The following SCML4 variants were observed in gnomAD, a reference collection of about 807,000 sequenced individuals.
The protein encoded by SCML4 is sex comb on midleg-like protein 4.
SCML4 carries 34 observed loss-of-function variants against 41.1 expected under a neutral mutation model. The ratio of observed to expected loss-of-function variants is 0.83; its 90% CI spans 0.63 to 1.10. SCML4 has a LOEUF of 1.10. Ranked by LOEUF, SCML4 falls within the 50% of genes least tolerant of loss-of-function variation. The pLI, the probability that SCML4 is intolerant of heterozygous loss-of-function variation, is 0.00. For synonymous variants in SCML4, 214 were observed against 220.9 expected (o/e 0.97, Z 0.28); for missense variants, 522 against 534.1 (o/e 0.98, Z 0.22).
chr6:107,719,027 T>A (rs576029754), intron 6 of SCML4: 1 of 152,348 alleles, frequency 6.6e-6, no homozygotes, highest in South Asian at 2.1e-4. Flanking sequence ...GGGACAAACC[T>A]ATGAAATCAA....
chr6:107,844,784 G>A, the SCML4 span, among the ~76,000 whole-genome samples: 2 of 151,904 alleles, frequency 1.3e-5, no homozygotes, highest in African/African-American at 4.8e-5. Context: ...ATCCCTGGCT[G>A]GGCATGGTGG....
At chr6:107,757,985 G>A (rs1332588389) in intron 2 of SCML4, among the ~76,000 whole-genome samples, 1 of 152,124 alleles carries the variant, frequency 6.6e-6, no homozygotes, top group Non-Finnish European at 1.5e-5. Context: ...ATCTTGAAAT[G>A]GTTCCTAAGT....
chr6:107,777,199 C>A (rs1441626821), intron 1 of SCML4, among the ~76,000 whole-genome samples: 1 of 152,122 alleles, frequency 6.6e-6, no homozygotes, highest in African/African-American at 2.4e-5. Flanking sequence ...CTCGCTGCAA[C>A]CTCCGCTTCC....
intron 2 of SCML4, among the ~76,000 whole-genome samples, chr6:107,752,205 G>T (rs1028878125): frequency 7.2e-5 from 11 of 152,030 alleles, no homozygotes; most frequent in South Asian, 6.3e-4. Flanking sequence ...TAGTTTTTTT[G>T]TTGTTGTTGT....
intron 1 of SCML4, among the ~76,000 whole-genome samples, chr6:107,794,450 T>C (rs1358032986): frequency 1.3e-5 from 2 of 152,216 alleles, no homozygotes; most frequent in African/African-American, 4.8e-5. Context: ...AATGTATTAG[T>C]CTGGTGGAAA....
the SCML4 span, among the ~76,000 whole-genome samples, chr6:107,839,378 A>T: frequency 6.7e-6 from 1 of 149,114 alleles, no homozygotes; most frequent in Non-Finnish European, 1.5e-5. Flanking sequence ...GGAAAGAAAG[A>T]AAGAAAGAAA....
At chr6:107,827,911 G>A (rs1359697256), upstream of SCML4, among the ~76,000 whole-genome samples, 1 of 152,220 alleles carries the variant, frequency 6.6e-6, no homozygotes, top group African/African-American at 2.4e-5. Flanking sequence ...AAAGAGTTGT[G>A]TTTTCCAACA....
chr6:107,835,678 T>A, the SCML4 span, among the ~76,000 whole-genome samples: 1 of 142,884 alleles, frequency 7.0e-6, no homozygotes, highest in Admixed American at 7.5e-5. Flanking sequence ...GATGGGATGA[T>A]CACTTGAGCC....
the SCML4 span, among the ~76,000 whole-genome samples, chr6:107,829,384 C>T: frequency 6.6e-6 from 1 of 150,952 alleles, no homozygotes. Context: ...CAAGATCCTG[C>T]CTCAAAAAAA....
the SCML4 span, among the ~76,000 whole-genome samples, chr6:107,832,205 C>T: frequency 1.3e-5 from 2 of 152,160 alleles, no homozygotes; most frequent in East Asian, 3.9e-4. Context: ...TGCCACTGCA[C>T]TCCTGCCTGG....
chr6:107,777,828 T>C (rs112148152), intron 1 of SCML4, among the ~76,000 whole-genome samples: 36 of 152,184 alleles, frequency 2.4e-4, no homozygotes, highest in African/African-American at 8.2e-4. Context: ...CCACTGCTCT[T>C]TTCCCAGATT....
At position 107,704,050 on chromosome 6, in the gene SCML4, C is replaced by T. The variant is rs921807356; in HGVS notation, c.*1150G>A. 6.6e-6 allele frequency: 1 copy of T among 152,130 alleles called. No homozygotes were observed. Among genetic ancestry groups the T allele is most frequent in the Non-Finnish European group, 1.5e-5 (1 of 68,018 alleles). The allele number at this position is 152,130 out of a possible 1,614,324, so 9.4% of individuals were successfully genotyped here. On this transcript the variant is annotated 3_prime_UTR_variant, in exon 8 of 8. Transcript: ENST00000369020. ...CAAAGGAGCAGAAAATCAATTTTTT[C>T]TATTACTCCACTGTGAGGAAGGAAA...
Position 107,803,447 on chromosome 6 carries a change from G to A in SCML4, c.-60+20679C>T, listed in dbSNP as rs9486717. ...AGGTGGGGGGGTCAGCCCCCCGCCC[G>A]GCCAGCCGCCCGGTCCGGGAGGTGA... On this transcript the variant is annotated intron_variant, in intron 1 of 7. Coordinates refer to ENST00000369020, the MANE Select transcript of SCML4 (RefSeq NM_198081.5). 3.8e-4 allele frequency among the ~76,000 whole-genome samples: 57 copies of A among 148,218 alleles called. No individual in the cohort carries two copies. In the East Asian group the frequency reaches 8.1e-3, roughly 21 times the overall value.
intron 5 of SCML4, among the ~76,000 whole-genome samples, chr6:107,742,472 A>G (rs941520347): frequency 1.6e-4 from 25 of 152,130 alleles, no homozygotes; most frequent in African/African-American, 5.8e-4. Context: ...AACAAACAAA[A>G]CTACCCCAAG....
chr6:107,759,596 T>A (rs919287573), intron 2 of SCML4, among the ~76,000 whole-genome samples: 1 of 152,152 alleles, frequency 6.6e-6, no homozygotes, highest in Non-Finnish European at 1.5e-5. Context: ...ATTCACAAAA[T>A]CTTTGCTTTA....
chr6:107,742,669 T>A (rs1460359296), intron 5 of SCML4, among the ~76,000 whole-genome samples: 1 of 151,972 alleles, frequency 6.6e-6, no homozygotes, highest in African/African-American at 2.4e-5. Flanking sequence ...AGAAAAAAAA[T>A]AACTGTTATC....
the SCML4 span, among the ~76,000 whole-genome samples, chr6:107,836,035 G>A: frequency 1.1e-4 from 16 of 151,866 alleles, no homozygotes; most frequent in African/African-American, 3.9e-4. Flanking sequence ...CAGGGCTGGA[G>A]CATCCTGCTC....
chr6:107,721,111 CAG>C lies in SCML4; in HGVS notation c.683-120_683-119del, dbSNP rs1023342400. ...ACAGTAGCCAGTATTTGTGAGCATG[CAG>C]AGAGGAGAAATGAACCTCACAACAT... On this transcript the variant is annotated intron_variant, in intron 5 of 7. Coordinates refer to ENST00000369020, the MANE Select transcript of SCML4 (RefSeq NM_198081.5). 12 of 1,280,652 alleles carry C rather than the reference CAG, an allele frequency of 9.4e-6. No homozygotes were observed. In the African/African-American group the frequency reaches 1.6e-4, roughly 18 times the overall value. 79.3% of individuals were successfully genotyped at this position (1,280,652 alleles called of 1,614,324 possible).
upstream of SCML4, among the ~76,000 whole-genome samples, chr6:107,827,934 C>T (rs772372988): frequency 6.6e-6 from 1 of 152,202 alleles, no homozygotes; most frequent in African/African-American, 2.4e-5. Context: ...AGCATCCGAT[C>T]GAGAGGATTC....
Sources: allele counts gnomAD v4.1 joint callset (sites outside exome capture counted in the v4.1 genomes callset), GRCh38; gene constraint gnomAD v4.1.1; transcripts MANE v1.5; gene names NCBI Gene and HGNC (gene_info 2026-07-23, HGNC 2026-07-21).